RNFT2: variants seen among roughly 807,000 people sequenced by gnomAD.
RNFT2 encodes the protein E3 ubiquitin-protein ligase RNFT2.
A neutral mutation model predicts 53.0 loss-of-function variants in RNFT2; 36 were observed. That is an observed-to-expected ratio of 0.68 (90% CI 0.52 to 0.90). The LOEUF is 0.90. RNFT2 is among the 40% of genes least tolerant of loss of function. The probability of loss-of-function intolerance (pLI) is 0.00; values close to 1 mark genes in which losing one functional copy is unlikely to be tolerated. For missense variants in RNFT2, 514 were observed against 585.6 expected, an observed-to-expected ratio of 0.88 and a Z score of 1.26; for synonymous variants, 260 against 253.2, an observed-to-expected ratio of 1.03 and a Z score of -0.26.
chr12:116,845,274 TAGAGAGAG>T (rs3069215), intron 10 of RNFT2, among the ~76,000 whole-genome samples: 19,256 of 124,130 alleles, frequency 0.16, 2,268 homozygotes, highest in African/African-American at 0.33. Context: ...TATATATATA[TAGAGAGAG>T]AGAGAGAGAG....
chr12:116,798,605 G>T (rs1018319790), intron 7 of RNFT2, among the ~76,000 whole-genome samples: 7 of 152,062 alleles, frequency 4.6e-5, no homozygotes, highest in African/African-American at 1.4e-4. Flanking sequence ...CAGAGTCTCT[G>T]TCACCCAGGT....
At chr12:116,797,691 T>C (rs2137144897) in intron 7 of RNFT2, among the ~76,000 whole-genome samples, 1 of 152,306 alleles carries the variant, frequency 6.6e-6, no homozygotes, top group East Asian at 1.9e-4. Flanking sequence ...GGTAGCTTTA[T>C]TGAAGAGGCG....
In RNFT2 at chr12:116,851,627, C is replaced by T. The variant is rs754004611; in HGVS notation, c.*2179C>T. ...CGGTGGCGGGTGCCTGTAATCCCAG[C>T]TACTCAGGAGGCTAAGGCAGGGAGA... On this transcript the variant is annotated 3_prime_UTR_variant, in exon 11 of 11. Coordinates refer to ENST00000257575, the MANE Select transcript of RNFT2 (RefSeq NM_001382266.1). 3.3e-6 allele frequency: 2 copies of T among 607,804 alleles called. No homozygotes were observed. Among genetic ancestry groups the T allele is most frequent in the African/African-American group, 1.9e-5 (1 of 54,034 alleles). The allele number at this position is 607,804 out of a possible 1,614,324, so 37.7% of individuals were successfully genotyped here. A position where few individuals can be genotyped will look rare whatever the true frequency, so the allele number is the denominator to read the frequency against.
chr12:116,818,124 TG>T (rs1197460580), intron 7 of RNFT2, among the ~76,000 whole-genome samples: 14 of 152,096 alleles, frequency 9.2e-5, no homozygotes, highest in African/African-American at 2.4e-5. Flanking sequence ...TTTACCAGCC[TG>T]GGCAACACAG....
In RNFT2 at chr12:116,745,173, A is replaced by ATTT. The variant is rs10637816; in HGVS notation, c.83+4096_83+4098dup. ...TCGTGAGTTTCCTCCATTGCACCAG[A>ATTT]TTTTTTTTTTTTTTTTTTTGAGATA... On this transcript the variant is annotated intron_variant, in intron 3 of 10. Transcript: ENST00000257575. 8.2e-3 allele frequency among the ~76,000 whole-genome samples: 1,029 copies of ATTT among 125,020 alleles called. 25 individuals carry two copies. Among genetic ancestry groups the ATTT allele is most frequent in the Admixed American group, 0.012 (137 of 11,532 alleles). The allele number at this position is 125,020 out of a possible 152,430, so 82.0% of individuals were successfully genotyped here.
chr12:116,795,203 C>T (rs1032476363), intron 7 of RNFT2, among the ~76,000 whole-genome samples: 1 of 151,930 alleles, frequency 6.6e-6, no homozygotes, highest in East Asian at 1.9e-4. Flanking sequence ...GTCAGGAGTT[C>T]GACACCAGCC....
rs58603950 is a variant in RNFT2 at position 116,774,871 on chromosome 12, A to T, written c.729-4324A>T. Among the ~76,000 whole-genome samples, 584 of 152,070 alleles carry T rather than the reference A, an allele frequency of 3.8e-3. 4 individuals are homozygous for T. Among genetic ancestry groups the T allele is most frequent in the African/African-American group, 0.013 (557 of 41,452 alleles). On this transcript the variant is annotated intron_variant, in intron 6 of 10. Transcript: ENST00000257575. ...CTCATGCCATTTTCTGGGTATGATG[A>T]TATTCCCAGTCTCAGACCTCTGTGC...
intron 10 of RNFT2, among the ~76,000 whole-genome samples, chr12:116,838,601 G>A (rs1402820750): frequency 6.6e-6 from 1 of 152,210 alleles, no homozygotes; most frequent in East Asian, 1.9e-4. Flanking sequence ...GTGACAAACG[G>A]TATCTCAGTG....
chr12:116,756,306 G>GA (rs1872508093), intron 5 of RNFT2, among the ~76,000 whole-genome samples: 1 of 149,408 alleles, frequency 6.7e-6, no homozygotes, highest in Non-Finnish European at 1.5e-5. Context: ...TATTCCTAAG[G>GA]TTTTTTTTTG....
At chr12:116,797,707 G>A (rs1001149722) in intron 7 of RNFT2, among the ~76,000 whole-genome samples, 1 of 151,830 alleles carries the variant, frequency 6.6e-6, no homozygotes, top group Non-Finnish European at 1.5e-5. Flanking sequence ...AGGCGTTACA[G>A]CTCAGGCAGT....
At chr12:116,824,198 T>C (rs1490288032) in intron 7 of RNFT2, among the ~76,000 whole-genome samples, 1 of 152,152 alleles carries the variant, frequency 6.6e-6, no homozygotes, top group Non-Finnish European at 1.5e-5. Flanking sequence ...GAACATTTGT[T>C]ATGTATAGAC....
intron 5 of RNFT2, among the ~76,000 whole-genome samples, chr12:116,758,924 C>A (rs567805318): frequency 6.6e-6 from 1 of 152,158 alleles, no homozygotes; most frequent in Non-Finnish European, 1.5e-5. Context: ...AGGCCGGGGA[C>A]GTTTTCCTCG....
rs1318231041 is a variant in RNFT2 at position 116,836,231 on chromosome 12, C to T, written c.1149C>T (p.Ile383=). The change falls in exon 10 of 11, where the codon ATC becomes ATT. Residue 383 remains isoleucine (I), a synonymous_variant. Coordinates refer to ENST00000257575, the MANE Select transcript of RNFT2 (RefSeq NM_001382266.1). ...AGCAGTGCACAGAAGCTGGTGACAT[C>T]TGCGCCATCTGTCAGGCCGAGTTCC... The part of the protein sequence containing the change: ...TGQQCTEAGD[I]CAICQAEFRE... 1.3e-6 allele frequency: 2 copies of T among 1,592,844 alleles called. No homozygotes were observed. The highest frequency in any genetic ancestry group is 1.7e-6 in the Non-Finnish European group (2 of 1,169,782).
At chr12:116,829,045 A>G (rs1876497087) in intron 7 of RNFT2, among the ~76,000 whole-genome samples, 1 of 150,728 alleles carries the variant, frequency 6.6e-6, no homozygotes, top group Non-Finnish European at 1.5e-5. Flanking sequence ...CAGTTGAGAG[A>G]GGTTGGACAG....
At chr12:116,836,313 A>T (rs369077863) in intron 10 of RNFT2, 31 bp downstream of exon 10, 62 of 1,536,798 alleles carry the variant, frequency 4.0e-5, no homozygotes, top group African/African-American at 6.9e-5. Flanking sequence ...ACCATTGGAG[A>T]CCAAGGCTGG....
At chr12:116,771,344 C>T (rs1363984156) in intron 6 of RNFT2, among the ~76,000 whole-genome samples, 4 of 151,202 alleles carry the variant, frequency 2.6e-5, no homozygotes, top group African/African-American at 9.7e-5. Flanking sequence ...CCTATAGTCC[C>T]CGCTACCCTG....
intron 7 of RNFT2, among the ~76,000 whole-genome samples, chr12:116,824,262 A>G (rs1054481316): frequency 2.0e-5 from 3 of 152,146 alleles, no homozygotes; most frequent in Admixed American, 6.5e-5. Flanking sequence ...TGCCTATGGG[A>G]AACCCAGCTG....
Position 116,827,301 on chromosome 12 carries a change from T to G in RNFT2, c.883-6491T>G, listed in dbSNP as rs144757010. Among the ~76,000 whole-genome samples the G allele has an allele frequency of 1.5e-3, 233 of 152,154 alleles. 1 individual carries two copies. The highest frequency in any genetic ancestry group is 5.0e-3 in the African/African-American group (209 of 41,474). On this transcript the variant is annotated intron_variant, in intron 7 of 10. Coordinates refer to ENST00000257575, the MANE Select transcript of RNFT2 (RefSeq NM_001382266.1). ...GGTGTACATAACAGGAGCACCTGAT[T>G]CAATTAAAAAGTCAGGGAAGGCTTT...
At chr12:116,785,249 C>CTGTGTG (rs56185708) in intron 7 of RNFT2, among the ~76,000 whole-genome samples, 1,974 of 138,632 alleles carry the variant, frequency 0.014, 45 homozygotes, top group African/African-American at 0.045. Context: ...TTACCTACTT[C>CTGTGTG]TGTGTGTGTG....
Sources: gnomAD v4.1 joint callset for allele counts (sites outside exome capture counted in the v4.1 genomes callset) on GRCh38, gnomAD v4.1.1 for gene constraint, MANE v1.5 for transcripts, NCBI Gene and HGNC (gene_info 2026-07-23, HGNC 2026-07-21) for gene names.